CSMD1: variants seen among roughly 807,000 people sequenced by gnomAD.
The protein encoded by CSMD1 is CUB and Sushi multiple domains 1, also known as CUB and sushi domain-containing protein 1.
CSMD1 carries 213 observed loss-of-function variants against 417.5 expected under a neutral mutation model. The observed-to-expected ratio is 0.51, with a 90% CI of 0.46 to 0.57. CSMD1 has a LOEUF of 0.57. Ranked by LOEUF, CSMD1 falls within the 20% of genes least tolerant of loss-of-function variation. The pLI, the probability that CSMD1 is intolerant of heterozygous loss-of-function variation, is 0.00. For synonymous variants in CSMD1, 2,862 were observed against 1,736.8 expected (o/e 1.65, Z -16.11); for missense variants, 6,923 against 4,529.7 (o/e 1.53, Z -15.17).
intron 1 of CSMD1, among the ~76,000 whole-genome samples, chr8:4,866,557 T>C (rs1326172308): frequency 6.6e-6 from 1 of 151,896 alleles, no homozygotes; most frequent in Non-Finnish European, 1.5e-5. Context: ...ACTAAATAAA[T>C]AGAAACCCAG....
intron 1 of CSMD1, among the ~76,000 whole-genome samples, chr8:4,931,948 G>A (rs576845805): frequency 6.6e-6 from 1 of 152,050 alleles, no homozygotes; most frequent in Middle Eastern, 3.5e-3. Context: ...AAATTCTTGT[G>A]TAACATGTAT....
Position 4,637,374 on chromosome 8 carries a change from A to T in CSMD1, c.270T>A (p.Asp90Glu). 6.2e-7 allele frequency: 1 copy of T among 1,614,024 alleles called. No homozygotes were observed. The highest frequency in any genetic ancestry group is 1.3e-5 in the African/African-American group (1 of 75,070). Residue 90 changes from aspartate to glutamate, a missense_variant, in exon 2 of 70, where the codon GAT (aspartate) becomes GAA (glutamate). Physicochemically the swap from Asp to Glu is conservative, Grantham distance 45. Transcript: ENST00000635120. ...TTAAATTCCCTTGTTGAGGCTGTCC[A>T]TCGTAAACTGATAAAATATCAAAAT... ...EEDFDILSVY[D>E]GQPQQGNLKV...
chr8:4,416,470 C>T (rs1444130133), intron 3 of CSMD1, among the ~76,000 whole-genome samples: 3 of 151,944 alleles, frequency 2.0e-5, no homozygotes, highest in Non-Finnish European at 2.9e-5. Context: ...TAAACACGTG[C>T]ATTAAAATTG....
intron 10 of CSMD1, among the ~76,000 whole-genome samples, chr8:3,512,094 C>A (rs1425509778): frequency 6.6e-6 from 1 of 152,072 alleles, no homozygotes; most frequent in Non-Finnish European, 1.5e-5. Flanking sequence ...GTGATTTGAC[C>A]TCCTCATATT....
chr8:4,669,592 T>C lies in CSMD1; in HGVS notation c.86-32034A>G, dbSNP rs1805164982. 1.3e-5 allele frequency among the ~76,000 whole-genome samples: 2 copies of C among 152,332 alleles called. 1 individual carries two copies. The highest frequency in any genetic ancestry group is 4.1e-4 in the South Asian group (2 of 4,828). ...CTCCAGAGAAGCACTCTGGAAGCAT[T>C]AGGGTAGCTACTAAGTATTTCTGTT... On this transcript the variant is annotated intron_variant, in intron 1 of 69. Coordinates refer to ENST00000635120, the MANE Select transcript of CSMD1 (RefSeq NM_033225.6).
intron 3 of CSMD1, among the ~76,000 whole-genome samples, chr8:4,084,265 G>C (rs929139557): frequency 3.4e-5 from 5 of 147,254 alleles, no homozygotes; most frequent in Admixed American, 2.0e-4. Context: ...AAAGTGAAAA[G>C]ACAAAAATTG....
At chr8:4,031,811 T>C (rs1421347591) in intron 4 of CSMD1, 94 bp downstream of exon 4, 8 of 940,992 alleles carry the variant, frequency 8.5e-6, no homozygotes, top group Non-Finnish European at 1.2e-5. Context: ...TCAACATGTA[T>C]TATTTTCATT....
intron 1 of CSMD1, chr8:4,787,298 C>T (rs866009437): frequency 1.0e-4 from 72 of 688,212 alleles, no homozygotes; most frequent in African/African-American, 1.0e-3. Context: ...CCTCACTTAC[C>T]GGCGCGGTCG....
chr8:4,189,767 A>G (rs1485824542), intron 3 of CSMD1, among the ~76,000 whole-genome samples: 3 of 152,328 alleles, frequency 2.0e-5, no homozygotes, highest in Non-Finnish European at 4.4e-5. Flanking sequence ...ATGAAGATTA[A>G]ACAGGCACAC....
At chr8:3,498,105 C>G (rs992068501) in intron 10 of CSMD1, among the ~76,000 whole-genome samples, 4 of 152,068 alleles carry the variant, frequency 2.6e-5, no homozygotes, top group Admixed American at 1.3e-4. Flanking sequence ...TTTTTTCTTT[C>G]AGCATTTTCA....
chr8:3,676,203 G>A (rs1263751398), intron 7 of CSMD1, among the ~76,000 whole-genome samples: 1 of 152,210 alleles, frequency 6.6e-6, no homozygotes, highest in African/African-American at 2.4e-5. Flanking sequence ...TGTCCATACT[G>A]CATTATGTGT....
intron 2 of CSMD1, among the ~76,000 whole-genome samples, chr8:4,527,118 A>C (rs1210862897): frequency 6.6e-6 from 1 of 152,138 alleles, no homozygotes; most frequent in African/African-American, 2.4e-5. Context: ...ACTTGCTTTT[A>C]CTTAAGATAT....
At chr8:4,587,123 C>A (rs536153399) in intron 2 of CSMD1, among the ~76,000 whole-genome samples, 1 of 152,086 alleles carries the variant, frequency 6.6e-6, no homozygotes, top group Non-Finnish European at 1.5e-5. Flanking sequence ...AGATTAGGTG[C>A]GCTCTCTTCT....
intron 49 of CSMD1, among the ~76,000 whole-genome samples, chr8:3,068,840 G>A (rs143386199): frequency 6.6e-6 from 1 of 152,122 alleles, no homozygotes. Flanking sequence ...CAGCATTGGG[G>A]ATTACAATTC....
intron 3 of CSMD1, among the ~76,000 whole-genome samples, chr8:4,161,924 C>A (rs1347767298): frequency 6.6e-6 from 1 of 152,090 alleles, no homozygotes; most frequent in African/African-American, 2.4e-5. Flanking sequence ...ATATCCCTTT[C>A]GTTTAAATAT....
At chr8:4,004,119 T>A (rs1055314550) in intron 4 of CSMD1, among the ~76,000 whole-genome samples, 1 of 152,130 alleles carries the variant, frequency 6.6e-6, no homozygotes, top group African/African-American at 2.4e-5. Context: ...TGTATACATA[T>A]GTATATTTCA....
At chr8:3,282,608 G>C (rs1171893742) in intron 26 of CSMD1, among the ~76,000 whole-genome samples, 1 of 152,142 alleles carries the variant, frequency 6.6e-6, no homozygotes, top group African/African-American at 2.4e-5. Flanking sequence ...AGGCAGGATA[G>C]TTGGAACACT....
chr8:4,143,140 A>G (rs555164287), intron 3 of CSMD1, among the ~76,000 whole-genome samples: 5,423 of 125,494 alleles, frequency 0.043, 645 homozygotes, highest in African/African-American at 0.15. Context: ...TAGCATTTCT[A>G]GAGAAACAAA....
At chr8:3,982,727 T>C (rs139985752) in intron 5 of CSMD1, among the ~76,000 whole-genome samples, 7 of 152,148 alleles carry the variant, frequency 4.6e-5, no homozygotes, top group African/African-American at 1.4e-4. Context: ...GCACCCGGCA[T>C]CTGTAGGAGG....
Sources: allele counts gnomAD v4.1 joint callset (sites outside exome capture counted in the v4.1 genomes callset), GRCh38; gene constraint gnomAD v4.1.1; transcripts MANE v1.5; gene names NCBI Gene and HGNC (gene_info 2026-07-23, HGNC 2026-07-21).